Variants in ERC2 observed in about 807,000 individuals in gnomAD.
ERC2 encodes ERC protein 2.
A neutral mutation model predicts 114.8 loss-of-function variants in ERC2; 42 were observed. The ratio of observed to expected loss-of-function variants is 0.37; its 90% confidence interval spans 0.29 to 0.47. The LOEUF is 0.47. ERC2 is among the 20% of genes least tolerant of loss of function. ERC2 has a pLI of 0.99. For missense variants in ERC2, 939 were observed against 1,150.7 expected (o/e 0.82, Z 2.66); for synonymous variants, 454 against 425.5 (o/e 1.07, Z -0.82).
At chr3:55,916,198 G>A (rs2065083221) in intron 13 of ERC2, among the ~76,000 whole-genome samples, 1 of 152,142 alleles carries the variant, frequency 6.6e-6, no homozygotes, top group South Asian at 2.1e-4. Flanking sequence ...AAGAATGAGT[G>A]TACTTCACAA....
At chr3:56,300,909 A>C (rs567057799) in intron 2 of ERC2, among the ~76,000 whole-genome samples, 1 of 152,296 alleles carries the variant, frequency 6.6e-6, no homozygotes, top group Middle Eastern at 3.4e-3. Context: ...TAGTAAAAGC[A>C]GACAGGTAGG....
At chr3:55,780,080 G>C (rs1463894207) in intron 14 of ERC2, among the ~76,000 whole-genome samples, 1 of 152,214 alleles carries the variant, frequency 6.6e-6, no homozygotes, top group South Asian at 2.1e-4. Flanking sequence ...AACAAACAAA[G>C]AAATAGTGAA....
At chr3:56,183,371 T>C (rs983149104) in intron 3 of ERC2, among the ~76,000 whole-genome samples, 11 of 152,230 alleles carry the variant, frequency 7.2e-5, no homozygotes, top group African/African-American at 2.7e-4. Flanking sequence ...TTGGGCAAGT[T>C]ACTGGATTTT....
intron 14 of ERC2, among the ~76,000 whole-genome samples, chr3:55,807,280 A>G (rs1258646572): frequency 6.6e-6 from 1 of 152,218 alleles, no homozygotes; most frequent in African/African-American, 2.4e-5. Context: ...ATTACAGTTG[A>G]TATGGCTGTG....
chr3:56,089,723 G>T (rs1268585184), intron 6 of ERC2, among the ~76,000 whole-genome samples: 1 of 151,956 alleles, frequency 6.6e-6, no homozygotes, highest in Non-Finnish European at 1.5e-5. Flanking sequence ...TTCAACCCTT[G>T]GAATGGAATC....
chr3:55,533,929 G>T (rs2053828707), intron 17 of ERC2, among the ~76,000 whole-genome samples: 1 of 152,208 alleles, frequency 6.6e-6, no homozygotes, highest in Non-Finnish European at 1.5e-5. Flanking sequence ...GGGAGTGAGT[G>T]GTAGCGTGGC....
intron 8 of ERC2, among the ~76,000 whole-genome samples, chr3:56,016,475 A>T (rs2073320273): frequency 7.0e-6 from 1 of 143,882 alleles, no homozygotes; most frequent in Non-Finnish European, 1.5e-5. Flanking sequence ...AAATATGCTT[A>T]CCCATCTTTT....
At chr3:56,001,254 G>A (rs1208367425) in intron 10 of ERC2, among the ~76,000 whole-genome samples, 1 of 152,092 alleles carries the variant, frequency 6.6e-6, no homozygotes, top group Non-Finnish European at 1.5e-5. Context: ...TTATTTCTGT[G>A]CCGTGAGATG....
chr3:55,839,803 C>T (rs4283544), intron 14 of ERC2, among the ~76,000 whole-genome samples: 27,163 of 151,656 alleles, frequency 0.18, 3,581 homozygotes, highest in African/African-American at 0.37. Context: ...CAAATAAAAA[C>T]AAATAGCAAG....
At chr3:55,750,392 A>G (rs1057093080) in intron 14 of ERC2, among the ~76,000 whole-genome samples, 15 of 152,214 alleles carry the variant, frequency 9.9e-5, no homozygotes, top group Admixed American at 7.9e-4. Flanking sequence ...TGAGACTGTA[A>G]TATTTAAGGT....
At chr3:56,205,543 T>C (rs1388011056) in intron 3 of ERC2, among the ~76,000 whole-genome samples, 1 of 152,184 alleles carries the variant, frequency 6.6e-6, no homozygotes, top group Non-Finnish European at 1.5e-5. Context: ...TATTATCTTT[T>C]ACAATGTTGA....
intron 4 of ERC2, among the ~76,000 whole-genome samples, chr3:56,156,455 C>A (rs1312345360): frequency 1.3e-5 from 2 of 152,082 alleles, no homozygotes; most frequent in Non-Finnish European, 2.9e-5. Flanking sequence ...AAGACGGACA[C>A]CTCCTGAAGC....
intron 14 of ERC2, among the ~76,000 whole-genome samples, chr3:55,873,301 A>G (rs2062671302): frequency 6.6e-6 from 1 of 152,186 alleles, no homozygotes; most frequent in Non-Finnish European, 1.5e-5. Context: ...ATTGTTAAAC[A>G]CATGGCCAAA....
rs144277943 is a variant in ERC2, at chr3:56,414,583, G to A, written c.657+19768C>T. On this transcript the variant is annotated intron_variant, in intron 2 of 17. Transcript: ENST00000288221. Reference sequence around the variant, plus strand: ...ACTAAAAATACAAAAAAATTAGCCGGGTGTAGTGGCACGTGCCTGTAGTCC... The same window carrying A: ...ACTAAAAATACAAAAAAATTAGCCGAGTGTAGTGGCACGTGCCTGTAGTCC... 6.1e-3 allele frequency among the ~76,000 whole-genome samples: 921 copies of A among 152,096 alleles called. 5 individuals carry two copies. The highest frequency in any genetic ancestry group is 9.3e-3 in the Non-Finnish European group (630 of 67,968).
intron 14 of ERC2, among the ~76,000 whole-genome samples, chr3:55,864,118 T>TATAC (rs1559782604): frequency 1.2e-5 from 1 of 86,920 alleles, no homozygotes; most frequent in African/African-American, 5.0e-5. Flanking sequence ...TATATATATA[T>TATAC]ACACACACAC....
chr3:55,913,727 A>G (rs1396554081), intron 13 of ERC2, among the ~76,000 whole-genome samples: 1 of 152,198 alleles, frequency 6.6e-6, no homozygotes, highest in Non-Finnish European at 1.5e-5. Context: ...AAGACTTGAC[A>G]CTACTGTCCA....
intron 10 of ERC2, among the ~76,000 whole-genome samples, chr3:55,997,551 T>C (rs2071618353): frequency 6.7e-6 from 1 of 148,588 alleles, no homozygotes; most frequent in African/African-American, 2.4e-5. Flanking sequence ...ATTATAACTC[T>C]ATAATAGACT....
intron 1 of ERC2, among the ~76,000 whole-genome samples, chr3:56,442,420 A>G (rs2062360796): frequency 6.6e-6 from 1 of 151,976 alleles, no homozygotes; most frequent in South Asian, 2.1e-4. Flanking sequence ...GGGTTTTGTC[A>G]TGTTGCCCAG....
At chr3:55,956,772 C>G (rs1177518894) in intron 12 of ERC2, among the ~76,000 whole-genome samples, 2 of 152,190 alleles carry the variant, frequency 1.3e-5, no homozygotes, top group African/African-American at 4.8e-5. Flanking sequence ...TCATGGTCAA[C>G]TGCATAAGTC....
Sources: gnomAD v4.1 joint callset for allele counts (sites outside exome capture counted in the v4.1 genomes callset) on GRCh38, gnomAD v4.1.1 for gene constraint, MANE v1.5 for transcripts, NCBI Gene and HGNC (gene_info 2026-07-23, HGNC 2026-07-21) for gene names.